Variants in LRBA observed in about 807,000 individuals in gnomAD.
LRBA encodes the protein lipopolysaccharide-responsive and beige-like anchor protein.
A neutral mutation model predicts 330.0 loss-of-function variants in LRBA; 176 were observed. The ratio of observed to expected loss-of-function variants is 0.53; its 90% CI spans 0.47 to 0.60. The LOEUF (loss-of-function observed/expected upper bound fraction) is 0.60. LRBA is among the 20% of genes least tolerant of loss of function. The probability of loss-of-function intolerance (pLI) is 0.00; values close to 1 mark genes in which losing one functional copy is unlikely to be tolerated. For missense variants in LRBA, 3,259 were observed against 3,444.8 expected (o/e 0.95, Z 1.35); for synonymous variants, 1,230 against 1,193.0 (o/e 1.03, Z -0.64).
At chr4:150,801,263 A>G (rs1357223779) in intron 33 of LRBA, among the ~76,000 whole-genome samples, 1 of 152,222 alleles carries the variant, frequency 6.6e-6, no homozygotes, top group Non-Finnish European at 1.5e-5. Flanking sequence ...TCTTTTAGAT[A>G]AAACTAAATG....
intron 47 of LRBA, among the ~76,000 whole-genome samples, chr4:150,411,048 C>G (rs990864794): frequency 6.6e-6 from 1 of 151,946 alleles, no homozygotes; most frequent in Non-Finnish European, 1.5e-5. Context: ...AAATTTTTTT[C>G]CTAGTTCAGG....
At chr4:150,920,865 G>C (rs1733179115) in intron 5 of LRBA, among the ~76,000 whole-genome samples, 1 of 152,084 alleles carries the variant, frequency 6.6e-6, no homozygotes, top group Non-Finnish European at 1.5e-5. Flanking sequence ...AGTAATGAAA[G>C]GCAAGAGAAA....
intron 36 of LRBA, among the ~76,000 whole-genome samples, chr4:150,725,293 A>G (rs566311112): frequency 6.6e-6 from 1 of 152,272 alleles, no homozygotes; most frequent in African/African-American, 2.4e-5. Context: ...ACCTCTGGGC[A>G]TCTAATAATC....
rs925404895 is a variant in LRBA, at chr4:150,984,985, C to T, written c.216+29442G>A. On this transcript the variant is annotated intron_variant, in intron 2 of 56. Coordinates refer to ENST00000651943, the MANE Select transcript of LRBA (RefSeq NM_001364905.1). ...ATTTTTAAATAAGTCTTAAAAAGCA[C>T]GGTGGCTCATGCCCGTAATCCCAGT... Among the ~76,000 whole-genome samples the T allele has an allele frequency of 7.9e-5, 12 of 152,246 alleles. No individual in the cohort carries two copies. The East Asian group carries it at 1.9e-3, about 25-fold the overall frequency.
intron 40 of LRBA, among the ~76,000 whole-genome samples, chr4:150,491,609 TAA>T (rs1758954805): frequency 6.6e-6 from 1 of 152,108 alleles, no homozygotes; most frequent in Admixed American, 6.6e-5. Flanking sequence ...TTTTGTCAGC[TAA>T]AGCTAAACAC....
chr4:150,312,193 A>G (rs1731166500), intron 51 of LRBA, among the ~76,000 whole-genome samples: 1 of 152,098 alleles, frequency 6.6e-6, no homozygotes, highest in Non-Finnish European at 1.5e-5. Context: ...CAGCACACAC[A>G]TGAACTATTT....
chr4:151,010,685 C>T (rs1744722829), intron 2 of LRBA, among the ~76,000 whole-genome samples: 1 of 151,948 alleles, frequency 6.6e-6, no homozygotes, highest in Non-Finnish European at 1.5e-5. Flanking sequence ...AGTTCAAGAC[C>T]AGCCTGGCCA....
chr4:150,846,404 C>T (rs140385614), intron 26 of LRBA, among the ~76,000 whole-genome samples: 18 of 152,034 alleles, frequency 1.2e-4, no homozygotes, highest in Admixed American at 8.5e-4. Flanking sequence ...GTGGGGCACA[C>T]CTGTAGTCCC....
rs1732526199 is a variant in LRBA at position 150,321,618 on chromosome 4, A to T, written c.7453-250T>A. On this transcript the variant is annotated intron_variant, in intron 49 of 56. Coordinates refer to ENST00000651943, the MANE Select transcript of LRBA (RefSeq NM_001364905.1). This position sits in a 1 kb window ranked among gnomAD's most constrained non-coding sequence, Gnocchi z 4.5. ...AATACATTAACAGAAACACTTTAAA[A>T]TTTATAAATTTTATGAGCTCCCTTT... Among the ~76,000 whole-genome samples, 1 of 152,162 alleles carries T rather than the reference A, an allele frequency of 6.6e-6. No homozygotes were observed.
At chr4:151,009,140 G>C (rs1579488242) in intron 2 of LRBA, among the ~76,000 whole-genome samples, 1 of 148,798 alleles carries the variant, frequency 6.7e-6, no homozygotes, top group East Asian at 2.0e-4. Context: ...AAACTGCTGG[G>C]ATTATAGGCA....
chr4:150,355,801 A>C (rs557264959), intron 47 of LRBA, among the ~76,000 whole-genome samples: 12 of 152,230 alleles, frequency 7.9e-5, no homozygotes, highest in African/African-American at 2.6e-4. Context: ...TAAGAGTCTT[A>C]ATTCATTTGA....
At chr4:150,561,363 T>C (rs1237777106) in intron 40 of LRBA, among the ~76,000 whole-genome samples, 1 of 152,168 alleles carries the variant, frequency 6.6e-6, no homozygotes, top group Non-Finnish European at 1.5e-5. Flanking sequence ...TTCCCTGGAA[T>C]TCATGAATAT....
chr4:150,761,803 G>A lies in LRBA; in HGVS notation c.5625C>T (p.Ile1875=), dbSNP rs370617816. The part of the protein sequence containing the change: ...SIQKNAGLAF[I]ELVNEGRLLS... ...ATTACCTTCCTTCATTGACAAGTTC[G>A]ATAAAAGCAAGGCCTGCATTCTTCT... Residue 1875 remains isoleucine, a synonymous_variant, in exon 35 of 57, where the codon ATC becomes ATT. Coordinates refer to ENST00000651943, the MANE Select transcript of LRBA (RefSeq NM_001364905.1). 1.2e-5 allele frequency: 19 copies of A among 1,542,090 alleles called. No individual in the cohort carries two copies. The highest frequency in any genetic ancestry group is 7.1e-5 in the African/African-American group (5 of 70,394).
intron 35 of LRBA, among the ~76,000 whole-genome samples, chr4:150,738,298 G>C (rs1022999741): frequency 6.6e-6 from 1 of 151,960 alleles, no homozygotes; most frequent in African/African-American, 2.4e-5. Context: ...GCCGAATTCT[G>C]ACAGACTTAT....
At chr4:150,985,953 C>T (rs1741417002) in intron 2 of LRBA, among the ~76,000 whole-genome samples, 3 of 152,030 alleles carry the variant, frequency 2.0e-5, no homozygotes, top group African/African-American at 7.2e-5. Context: ...ATATTTAATA[C>T]ATATTATAAC....
chr4:150,829,726 T>G (rs1746870466), intron 29 of LRBA, among the ~76,000 whole-genome samples: 1 of 152,200 alleles, frequency 6.6e-6, no homozygotes, highest in African/African-American at 2.4e-5. Context: ...CCCTTCGTGG[T>G]ATCATTCATT....
intron 40 of LRBA, among the ~76,000 whole-genome samples, chr4:150,532,903 G>C (rs1268965085): frequency 1.3e-5 from 2 of 152,056 alleles, no homozygotes; most frequent in Non-Finnish European, 1.5e-5. Flanking sequence ...AAAATACTGA[G>C]AGGAAAAAAA....
intron 2 of LRBA, among the ~76,000 whole-genome samples, chr4:150,954,579 A>G (rs899055650): frequency 1.3e-5 from 2 of 150,444 alleles, no homozygotes; most frequent in African/African-American, 5.0e-5. Flanking sequence ...ATACTCGTTA[A>G]GAGTCATCAC....
intron 22 of LRBA, among the ~76,000 whole-genome samples, chr4:150,857,453 G>C (rs1440540724): frequency 6.6e-6 from 1 of 152,094 alleles, no homozygotes; most frequent in Non-Finnish European, 1.5e-5. Context: ...CAGTCATTTT[G>C]ATCAATTTTA....
Sources: allele counts gnomAD v4.1 joint callset (sites outside exome capture counted in the v4.1 genomes callset), GRCh38; gene constraint gnomAD v4.1.1; non-coding constraint Gnocchi (gnomAD v3.1); transcripts MANE v1.5; gene names NCBI Gene and HGNC (gene_info 2026-07-23, HGNC 2026-07-21).